The following HEATR5B variants were observed in gnomAD, a reference collection of about 807,000 sequenced individuals.
HEATR5B encodes the protein HEAT repeat containing 5B, also known as HEAT repeat-containing protein 5B.
In HEATR5B, 156 loss-of-function variants were observed where a neutral mutation model predicts 224.1. That is an observed-to-expected ratio of 0.70 (90% confidence interval 0.61 to 0.80). The LOEUF (loss-of-function observed/expected upper bound fraction) is 0.80, where lower values mean the gene tolerates loss of function less well. Ranked by LOEUF, HEATR5B falls within the 30% of genes least tolerant of loss-of-function variation. The pLI is 0.00. For missense variants in HEATR5B, 2,323 were observed against 2,535.5 expected, an observed-to-expected ratio of 0.92 and a Z score of 1.80; for synonymous variants, 1,027 against 893.0, an observed-to-expected ratio of 1.15 and a Z score of -2.68.
Position 37,070,288 on chromosome 2 carries a change from C to A in HEATR5B, c.869G>T (p.Gly290Val), listed in dbSNP as rs1438454336. Residue 290 changes from glycine (G) to valine (V), a missense_variant, in exon 7 of 36, where the codon GGA becomes GTA. By Grantham distance (109) the Gly-to-Val change is moderately radical. This residue lies in a region of HEATR5B where 5 missense variants were observed against 21.0 expected (regional missense o/e 0.24). Transcript: ENST00000233099. Reference protein sequence around the residue: ...RGGSGFLKSGGEMLKVGGSVN... With the variant: ...RGGSGFLKSGVEMLKVGGSVN... Reference sequence around the variant, plus strand: ...GGACCCTCCAACTTTTAACATTTCTCCACCGCTCTTTAAGAAACCTGACCC... The same window carrying A: ...GGACCCTCCAACTTTTAACATTTCTACACCGCTCTTTAAGAAACCTGACCC... 1 of 1,614,126 alleles carries A rather than the reference C, an allele frequency of 6.2e-7. No homozygotes were observed. The highest frequency in any genetic ancestry group is 8.5e-7 in the Non-Finnish European group (1 of 1,179,974).
chr2:36,995,252 G>A (rs1030287635), intron 33 of HEATR5B, among the ~76,000 whole-genome samples: 1 of 151,658 alleles, frequency 6.6e-6, no homozygotes, highest in Admixed American at 6.6e-5. Context: ...ACCACACCCC[G>A]CTAAATTTTG....
chr2:37,051,886 C>A (rs1670574651), intron 17 of HEATR5B, among the ~76,000 whole-genome samples: 1 of 151,960 alleles, frequency 6.6e-6, no homozygotes, highest in African/African-American at 2.4e-5. Context: ...ATTACAGGCA[C>A]CTGACACCAC....
intron 30 of HEATR5B, among the ~76,000 whole-genome samples, 157 bp downstream of exon 30, chr2:37,005,475 G>C (rs1667350719): frequency 6.6e-6 from 1 of 152,104 alleles, no homozygotes; most frequent in Admixed American, 6.6e-5. Flanking sequence ...ACCAGGCACA[G>C]AGTAAAAGTA....
At chr2:37,037,799 A>T in intron 21 of HEATR5B, 56 bp downstream of exon 21, 2 of 1,323,532 alleles carry the variant, frequency 1.5e-6, no homozygotes, top group Admixed American at 2.9e-5. Context: ...AAAATTTTTT[A>T]AATGTAAAAT....
intron 32 of HEATR5B, among the ~76,000 whole-genome samples, chr2:37,001,165 T>C (rs1667064651): frequency 6.6e-6 from 1 of 152,212 alleles, no homozygotes; most frequent in Non-Finnish European, 1.5e-5. Context: ...GGGAAGCATC[T>C]GAGTAACTTC....
intron 28 of HEATR5B, among the ~76,000 whole-genome samples, chr2:37,007,579 C>G (rs1040721413): frequency 2.0e-5 from 3 of 152,004 alleles, no homozygotes; most frequent in Non-Finnish European, 4.4e-5. Flanking sequence ...TCTCAATCCA[C>G]CCGCCTCAGC....
intron 18 of HEATR5B, among the ~76,000 whole-genome samples, chr2:37,042,720 T>C (rs548304490): frequency 2.0e-5 from 3 of 151,914 alleles, no homozygotes; most frequent in Non-Finnish European, 4.4e-5. Context: ...GGTGAAACCC[T>C]GTCTCTACTA....
rs758224927 is a variant in HEATR5B, at chr2:37,065,786, G to A, written c.1302C>T (p.Thr434=). The A allele has an allele frequency of 3.2e-5, 51 of 1,613,596 alleles. No homozygotes were observed. In the Middle Eastern group the frequency reaches 4.9e-4, roughly 16 times the overall value. ...ATGCTTCTTGAATAAGAGGGGATGC[G>A]GTGGCATTCAAGCTCTGCACCAGGC... The part of the protein sequence containing the change: ...LGSLVQSLNA[T]ASPLIQEASI... The change falls in exon 9 of 36, where the codon ACC becomes ACT. Residue 434 remains threonine (T), a synonymous_variant. Coordinates refer to ENST00000233099, the MANE Select transcript of HEATR5B (RefSeq NM_019024.3).
intron 1 of HEATR5B, among the ~76,000 whole-genome samples, 182 bp from the exon 2 acceptor site, chr2:37,083,618 G>A (rs1041096085): frequency 6.6e-6 from 1 of 152,028 alleles, no homozygotes; most frequent in Non-Finnish European, 1.5e-5. Context: ...AAAAACAGAA[G>A]AAAACTACTT....
intron 33 of HEATR5B, among the ~76,000 whole-genome samples, chr2:36,997,630 G>T (rs1399286903): frequency 6.9e-6 from 1 of 144,674 alleles, no homozygotes; most frequent in Admixed American, 7.0e-5. Context: ...GCAGTGGCGC[G>T]ATCTCGGCTC....
Position 37,057,418 on chromosome 2 carries a change from T to A in HEATR5B, c.2122A>T (p.Asn708Tyr). The A allele has an allele frequency of 6.2e-7, 1 of 1,611,790 alleles. No individual in the cohort carries two copies. The highest frequency in any genetic ancestry group is 8.5e-7 in the Non-Finnish European group (1 of 1,179,006). Residue 708 changes from asparagine (N) to tyrosine (Y), a missense_variant, in exon 15 of 36, where the codon AAC becomes TAC. By Grantham distance (143) the Asn-to-Tyr change is moderately radical (BLOSUM62 -2). Transcript: ENST00000233099. ...AEFTLTDNSA[N>Y]TTTSLLRSLC... ...GATCTGAGGAGGGAAGTAGTTGTGT[T>A]GGCTGAGTTGTCAGTCAAAGTGAAT...
intron 27 of HEATR5B, among the ~76,000 whole-genome samples, chr2:37,010,688 AT>A (rs1281805361): frequency 6.6e-6 from 1 of 151,862 alleles, no homozygotes; most frequent in Non-Finnish European, 1.5e-5. Context: ...TAATTTTTGT[AT>A]TTTTAGTAGA....
At chr2:37,022,638 T>C (rs542033792) in intron 24 of HEATR5B, among the ~76,000 whole-genome samples, 8 of 152,132 alleles carry the variant, frequency 5.3e-5, no homozygotes, top group Non-Finnish European at 1.2e-4. Flanking sequence ...AGTCTGCCAA[T>C]CTCTAGAAAA....
At chr2:37,066,428 T>A (rs1022395306) in intron 8 of HEATR5B, among the ~76,000 whole-genome samples, 1 of 152,238 alleles carries the variant, frequency 6.6e-6, no homozygotes, top group African/African-American at 2.4e-5. Flanking sequence ...TATTACTTTA[T>A]TACCATTGCT....
chr2:37,058,907 C>A lies in HEATR5B; in HGVS notation c.1930G>T (p.Ala644Ser). The change falls in exon 13 of 36, where the codon GCC (alanine) becomes TCC (serine). Residue 644 changes from alanine to serine, a missense_variant. By Grantham distance (99) the Ala-to-Ser change is moderately conservative (BLOSUM62 1). Transcript: ENST00000233099. Reference sequence around the variant, plus strand: ...ACTTACTGTGACATCATAGTCATGGCACATTCAATAGGGGTCATCAATTTT... The same window carrying A: ...ACTTACTGTGACATCATAGTCATGGAACATTCAATAGGGGTCATCAATTTT... Reference protein sequence around the residue: ...IRKLMTPIECAMTMMSHIPSV... With the variant: ...IRKLMTPIECSMTMMSHIPSV... 1 of 1,605,302 alleles carries A rather than the reference C, an allele frequency of 6.2e-7. No individual in the cohort carries two copies. The highest frequency in any genetic ancestry group is 1.3e-5 in the African/African-American group (1 of 74,848).
chr2:37,082,791 A>G (rs962581124), intron 2 of HEATR5B, among the ~76,000 whole-genome samples: 15 of 152,208 alleles, frequency 9.9e-5, no homozygotes, highest in African/African-American at 3.6e-4. Flanking sequence ...GAAGCCTGTG[A>G]GACCCCTGAT....
chr2:37,007,842 C>A (rs747234151), intron 28 of HEATR5B, among the ~76,000 whole-genome samples: 4 of 152,210 alleles, frequency 2.6e-5, no homozygotes, highest in African/African-American at 9.6e-5. Context: ...GCTGATGTCA[C>A]TAAGTATTCT....
chr2:37,006,862 T>C (rs1667457235), intron 29 of HEATR5B, among the ~76,000 whole-genome samples, 188 bp downstream of exon 29: 1 of 152,224 alleles, frequency 6.6e-6, no homozygotes. Context: ...GTAGTTTCAG[T>C]AGTTTTTAAT....
At chr2:36,992,924 C>A (rs947445213) in intron 33 of HEATR5B, among the ~76,000 whole-genome samples, 6 of 151,888 alleles carry the variant, frequency 4.0e-5, no homozygotes, top group Admixed American at 6.6e-5. Context: ...CAGCGTCTTA[C>A]CATATTGCCC....
Sources: gnomAD v4.1 joint callset for allele counts (sites outside exome capture counted in the v4.1 genomes callset) on GRCh38, gnomAD v4.1.1 for gene constraint, gnomAD v4.1.1 regional missense constraint, MANE v1.5 for transcripts, NCBI Gene and HGNC (gene_info 2026-07-23, HGNC 2026-07-21) for gene names.